AP3B1: variants seen among roughly 807,000 people sequenced by gnomAD.
The protein encoded by AP3B1 is AP-3 complex subunit beta-1.
In AP3B1, 61 loss-of-function variants were observed where a neutral mutation model predicts 132.5. The observed-to-expected ratio is 0.46, with a 90% CI of 0.37 to 0.57. The LOEUF (loss-of-function observed/expected upper bound fraction) is 0.57, where lower values mean the gene tolerates loss of function less well. Ranked by LOEUF, AP3B1 falls within the 20% of genes least tolerant of loss-of-function variation. AP3B1 has a pLI of 0.00. For synonymous variants in AP3B1, 388 were observed against 438.3 expected (o/e 0.89, Z 1.43); for missense variants, 1,120 against 1,289.4 (o/e 0.87, Z 2.01).
chr5:78,233,294 C>T (rs1325828449), intron 3 of AP3B1, among the ~76,000 whole-genome samples: 2 of 149,742 alleles, frequency 1.3e-5, no homozygotes, highest in Non-Finnish European at 3.0e-5. Context: ...AGTGCAATGG[C>T]ATGATCTCAG....
At chr5:78,281,448 A>C (rs980433181) in intron 1 of AP3B1, among the ~76,000 whole-genome samples, 3 of 151,902 alleles carry the variant, frequency 2.0e-5, no homozygotes, top group Admixed American at 6.6e-5. Context: ...AAAAAAAAAA[A>C]AAAAAAAAAC....
chr5:78,257,975 A>T, intron 2 of AP3B1, among the ~76,000 whole-genome samples: 1 of 152,228 alleles, frequency 6.6e-6, no homozygotes, highest in East Asian at 1.9e-4. Flanking sequence ...AAACAAAATT[A>T]GATCCCTATC....
At chr5:78,118,204 T>A (rs1221703534) in intron 17 of AP3B1, among the ~76,000 whole-genome samples, 3 of 152,090 alleles carry the variant, frequency 2.0e-5, no homozygotes, top group Non-Finnish European at 4.4e-5. Context: ...TCCAGGAGGG[T>A]GGAGCCAAGA....
intron 1 of AP3B1, among the ~76,000 whole-genome samples, chr5:78,278,625 A>AGG (rs771858500): frequency 5.5e-4 from 29 of 52,264 alleles, no homozygotes; most frequent in African/African-American, 1.3e-3. Context: ...AAAAAAAAAA[A>AGG]GGGGGGGGGG....
chr5:78,288,850 C>T (rs1021892527), intron 1 of AP3B1, among the ~76,000 whole-genome samples: 1 of 149,764 alleles, frequency 6.7e-6, no homozygotes, highest in Non-Finnish European at 1.5e-5. Flanking sequence ...ACTGAAAATA[C>T]ACAATGAGAT....
chr5:78,255,639 A>G lies in AP3B1; in HGVS notation c.204+11881T>C, dbSNP rs1580551131. Among the ~76,000 whole-genome samples, 4 of 152,270 alleles carry G rather than the reference A, an allele frequency of 2.6e-5. No individual in the cohort carries two copies. In the South Asian group the frequency reaches 8.3e-4, roughly 32 times the overall value. ...AAAGAGAGAGACAGGCCCAAATGCA[A>G]TAACAGCTAGGAGACTTCAACATTC... On this transcript the variant is annotated intron_variant, in intron 2 of 26. Transcript: ENST00000255194.
At chr5:78,228,730 A>G (rs1746503113) in intron 3 of AP3B1, among the ~76,000 whole-genome samples, 1 of 152,146 alleles carries the variant, frequency 6.6e-6, no homozygotes, top group Non-Finnish European at 1.5e-5. Flanking sequence ...CCAGGCCACT[A>G]ACTATATGTT....
intron 9 of AP3B1, among the ~76,000 whole-genome samples, chr5:78,176,449 C>T (rs892673709): frequency 2.0e-5 from 3 of 152,006 alleles, no homozygotes; most frequent in African/African-American, 7.2e-5. Context: ...TGTTACTAAG[C>T]CAGTCAAGAG....
chr5:78,014,455 C>T (rs983775910), intron 26 of AP3B1, among the ~76,000 whole-genome samples: 3 of 152,120 alleles, frequency 2.0e-5, no homozygotes, highest in Non-Finnish European at 4.4e-5. Context: ...GAAGTTATAA[C>T]TTCCCCAAGA....
intron 14 of AP3B1, among the ~76,000 whole-genome samples, chr5:78,148,410 C>T (rs1054997300): frequency 2.0e-5 from 3 of 152,160 alleles, no homozygotes; most frequent in African/African-American, 7.2e-5. Context: ...CTCACTAAAA[C>T]CCATGGTTTT....
chr5:78,230,008 T>C (rs561181647), intron 3 of AP3B1, among the ~76,000 whole-genome samples: 1 of 152,190 alleles, frequency 6.6e-6, no homozygotes, highest in African/African-American at 2.4e-5. Flanking sequence ...TCACTCCAAT[T>C]TTTTTCAGCG....
chr5:78,100,593 C>A (rs139964748), intron 21 of AP3B1, among the ~76,000 whole-genome samples: 3 of 152,280 alleles, frequency 2.0e-5, no homozygotes, highest in East Asian at 1.9e-4. Flanking sequence ...ATTCCTTAAT[C>A]CTCTACCTCC....
chr5:78,064,770 A>T (rs1213069070), intron 22 of AP3B1, among the ~76,000 whole-genome samples: 1 of 152,244 alleles, frequency 6.6e-6, no homozygotes, highest in Non-Finnish European at 1.5e-5. Flanking sequence ...CAATAACTTA[A>T]TCCCCATTTT....
intron 17 of AP3B1, among the ~76,000 whole-genome samples, chr5:78,122,985 G>T (rs995210993): frequency 4.6e-5 from 7 of 152,142 alleles, no homozygotes; most frequent in Admixed American, 4.6e-4. Context: ...CATGGTACTG[G>T]TACCAAAACA....
intron 1 of AP3B1, among the ~76,000 whole-genome samples, chr5:78,279,907 A>AATATATATATATGACTTAAATATATAT (rs1554035367): frequency 1.0e-3 from 120 of 114,328 alleles, no homozygotes; most frequent in African/African-American, 2.4e-3. Context: ...ATATGACTTA[A>AATATATATATATGACTTAAATATATAT]ATATATATAT....
intron 24 of AP3B1, among the ~76,000 whole-genome samples, chr5:78,024,742 T>C (rs1023369823): frequency 1.3e-5 from 2 of 151,932 alleles, no homozygotes; most frequent in African/African-American, 4.8e-5. Flanking sequence ...TTTTGTATTT[T>C]AGTAGAGACG....
At chr5:78,246,671 A>G (rs1747391776) in intron 2 of AP3B1, among the ~76,000 whole-genome samples, 1 of 152,152 alleles carries the variant, frequency 6.6e-6, no homozygotes. Context: ...TTAAATGTCA[A>G]CAGGGTCTTG....
chr5:78,272,998 T>C (rs1416700019), intron 1 of AP3B1, among the ~76,000 whole-genome samples: 2 of 96,552 alleles, frequency 2.1e-5, no homozygotes, highest in Non-Finnish European at 5.7e-5. Context: ...AAAATAACTA[T>C]AAAAGCTGAA....
chr5:78,283,708 C>A (rs1030402161), intron 1 of AP3B1, among the ~76,000 whole-genome samples: 2 of 152,186 alleles, frequency 1.3e-5, no homozygotes, highest in African/African-American at 4.8e-5. Context: ...AAACGGACCT[C>A]AACACTTACC....
Sources: gnomAD v4.1 joint callset for allele counts (sites outside exome capture counted in the v4.1 genomes callset) on GRCh38, gnomAD v4.1.1 for gene constraint, MANE v1.5 for transcripts, NCBI Gene and HGNC (gene_info 2026-07-23, HGNC 2026-07-21) for gene names.